Variants in ADAMTS16 observed in about 807,000 individuals in gnomAD.
The protein encoded by ADAMTS16 is ADAM metallopeptidase with thrombospondin type 1 motif 16, also known as A disintegrin and metalloproteinase with thrombospondin motifs 16.
A neutral mutation model predicts 145.8 loss-of-function variants in ADAMTS16; 94 were observed. That is an observed-to-expected ratio of 0.64 (90% CI 0.55 to 0.77). The LOEUF (loss-of-function observed/expected upper bound fraction) is 0.77, where lower values mean the gene tolerates loss of function less well. Among genes scored for constraint, ADAMTS16 ranks in the 30% least tolerant of loss-of-function variants. The pLI is 0.00. For synonymous variants in ADAMTS16, 659 were observed against 604.3 expected (o/e 1.09, Z -1.33); for missense variants, 1,585 against 1,591.5 (o/e 1.00, Z 0.07).
intron 8 of ADAMTS16, among the ~76,000 whole-genome samples, chr5:5,199,121 T>C (rs1344795404): frequency 6.6e-6 from 1 of 152,144 alleles, no homozygotes; most frequent in East Asian, 1.9e-4. Context: ...TAGTTGAAAA[T>C]GGGATCATTG....
chr5:5,254,344 A>G (rs1737717978), intron 17 of ADAMTS16, among the ~76,000 whole-genome samples: 1 of 152,112 alleles, frequency 6.6e-6, no homozygotes, highest in Non-Finnish European at 1.5e-5. Context: ...ATATTCTTTT[A>G]ATTTTGTCAA....
chr5:5,259,147 C>T (rs867543918), intron 17 of ADAMTS16, among the ~76,000 whole-genome samples: 8 of 152,354 alleles, frequency 5.3e-5, no homozygotes, highest in South Asian at 2.1e-4. Context: ...GACATCACTT[C>T]CTTTCACAGT....
rs1438922717 is a variant in ADAMTS16 at position 5,306,607 on chromosome 5, A to C, written c.3290A>C (p.His1097Pro). The C allele has an allele frequency of 1.2e-6, 2 of 1,614,180 alleles. No homozygotes were observed. The highest frequency in any genetic ancestry group is 1.7e-5 in the Admixed American group (1 of 60,024). Reference sequence around the variant, plus strand: ...GAGCTGGCCTCAAAGAAGTGCTCACATTTGCCGAAGCCCAGCCTGGAGCTG... The same window carrying C: ...GAGCTGGCCTCAAAGAAGTGCTCACCTTTGCCGAAGCCCAGCCTGGAGCTG... ...YRELASKKCS[H>P]LPKPSLELER... The change falls in exon 21 of 23, where the codon CAT becomes CCT. Residue 1097 changes from histidine to proline, a missense_variant. His to Pro is a moderately conservative substitution (Grantham distance 77, BLOSUM62 -2). Around this residue, in one of 3 missense-constraint regions of ADAMTS16, gnomAD observed 834 missense variants for 811.7 expected, o/e 1.03. Coordinates refer to ENST00000274181, the MANE Select transcript of ADAMTS16 (RefSeq NM_139056.4).
chr5:5,187,859 G>T, intron 6 of ADAMTS16, 51 bp downstream of exon 6: 2 of 1,217,420 alleles, frequency 1.6e-6, no homozygotes, highest in African/African-American at 3.0e-5. Flanking sequence ...AAAAATAAAT[G>T]CAAAATAATG....
chr5:5,253,982 G>A (rs1579344408), intron 17 of ADAMTS16, among the ~76,000 whole-genome samples: 1 of 152,078 alleles, frequency 6.6e-6, no homozygotes, highest in African/African-American at 2.4e-5. Context: ...GTCTTTTCGC[G>A]TGAATCTCTG....
At chr5:5,205,502 A>G (rs1390154443) in intron 9 of ADAMTS16, among the ~76,000 whole-genome samples, 3 of 152,092 alleles carry the variant, frequency 2.0e-5, no homozygotes, top group African/African-American at 7.2e-5. Flanking sequence ...GGTTGCAATG[A>G]TTTTCCTTTC....
chr5:5,258,850 A>AT (rs1449357205), intron 17 of ADAMTS16, among the ~76,000 whole-genome samples: 14 of 151,184 alleles, frequency 9.3e-5, no homozygotes, highest in Non-Finnish European at 1.9e-4. Flanking sequence ...ATATATATAT[A>AT]ATTTTTTTTA....
At chr5:5,236,768 T>C (rs1361188126) in intron 13 of ADAMTS16, among the ~76,000 whole-genome samples, 1 of 146,548 alleles carries the variant, frequency 6.8e-6, no homozygotes, top group Non-Finnish European at 1.5e-5. Flanking sequence ...TAGAGTAAAA[T>C]TTAACATTGA....
intron 18 of ADAMTS16, among the ~76,000 whole-genome samples, chr5:5,283,177 G>A (rs1738985737): frequency 6.6e-6 from 1 of 151,998 alleles, no homozygotes; most frequent in South Asian, 2.1e-4. Flanking sequence ...ATACTACAAT[G>A]TATTTTTTCC....
chr5:5,190,835 G>A (rs1735645263), intron 7 of ADAMTS16, among the ~76,000 whole-genome samples: 1 of 152,106 alleles, frequency 6.6e-6, no homozygotes, highest in South Asian at 2.1e-4. Context: ...GTTGGCTCTT[G>A]GCTGGACTCC....
In ADAMTS16 at chr5:5,140,710, C is replaced by T; in HGVS notation, c.119C>T (p.Pro40Leu). Reference protein sequence around the residue: ...MGPAAAAPGSPSVPRPPPPAE... With the variant: ...MGPAAAAPGSLSVPRPPPPAE... ...CCCGCAGCGGCAGCGCCTGGGAGCC[C>T]GAGCGTCCCGCGTCCTCCTCCACCC... Residue 40 changes from proline to leucine, a missense_variant, in exon 2 of 23, where the codon CCG (proline) becomes CTG (leucine). Coordinates refer to ENST00000274181, the MANE Select transcript of ADAMTS16 (RefSeq NM_139056.4). 1.3e-6 allele frequency: 2 copies of T among 1,569,144 alleles called. No individual in the cohort carries two copies. Among genetic ancestry groups the T allele is most frequent in the South Asian group, 2.3e-5 (2 of 85,718 alleles).
chr5:5,238,915 C>T (rs34662621), intron 14 of ADAMTS16, among the ~76,000 whole-genome samples: 1 of 152,170 alleles, frequency 6.6e-6, no homozygotes, highest in South Asian at 2.1e-4. Flanking sequence ...ACTTGTGTAA[C>T]AATACTAAAG....
At chr5:5,268,374 C>A (rs998654906) in intron 18 of ADAMTS16, among the ~76,000 whole-genome samples, 3 of 152,198 alleles carry the variant, frequency 2.0e-5, no homozygotes, top group Non-Finnish European at 4.4e-5. Context: ...ATCCTTGACT[C>A]ACCGTACGTA....
chr5:5,207,311 C>T (rs1736155142), intron 9 of ADAMTS16, among the ~76,000 whole-genome samples: 1 of 152,038 alleles, frequency 6.6e-6, no homozygotes, highest in African/African-American at 2.4e-5. Context: ...ATATAAATGA[C>T]ATGTTTCTAA....
At chr5:5,265,907 G>C (rs984833344) in intron 18 of ADAMTS16, among the ~76,000 whole-genome samples, 2 of 152,018 alleles carry the variant, frequency 1.3e-5, no homozygotes, top group African/African-American at 4.8e-5. Context: ...TTTCTTAAGG[G>C]AGAAGCATCT....
chr5:5,236,775 T>C (rs1266410356), intron 13 of ADAMTS16, among the ~76,000 whole-genome samples, 194 bp from the exon 14 acceptor site: 3 of 131,672 alleles, frequency 2.3e-5, no homozygotes, highest in Admixed American at 8.5e-5. Context: ...AAATTTAACA[T>C]TGAAGCAATA....
At chr5:5,198,925 C>G (rs565651603) in intron 8 of ADAMTS16, among the ~76,000 whole-genome samples, 1 of 152,324 alleles carries the variant, frequency 6.6e-6, no homozygotes, top group East Asian at 1.9e-4. Flanking sequence ...CTTTCCCTCT[C>G]TCTTGCCTTC....
intron 11 of ADAMTS16, among the ~76,000 whole-genome samples, chr5:5,227,488 TAA>T (rs1049124993): frequency 5.9e-5 from 9 of 151,368 alleles, no homozygotes; most frequent in Non-Finnish European, 1.3e-4. Flanking sequence ...GTTGTGTGCC[TAA>T]AATTAGATCT....
Position 5,305,520 on chromosome 5 carries a change from ACACT to A in ADAMTS16, c.3187-980_3187-977del, listed in dbSNP as rs1392766747. Among the ~76,000 whole-genome samples the A allele has an allele frequency of 4.2e-4, 62 of 146,798 alleles. 1 individual carries two copies. The highest frequency in any genetic ancestry group is 1.3e-3 in the African/African-American group (51 of 39,630). ...ACACCACACACACATCCCATACCAC[ACACT>A]CACACATCCCACACCATACACACAC... On this transcript the variant is annotated intron_variant, in intron 20 of 22. Coordinates refer to ENST00000274181, the MANE Select transcript of ADAMTS16 (RefSeq NM_139056.4).
Sources: gnomAD v4.1 joint callset for allele counts (sites outside exome capture counted in the v4.1 genomes callset) on GRCh38, gnomAD v4.1.1 for gene constraint, gnomAD v4.1.1 regional missense constraint, MANE v1.5 for transcripts, NCBI Gene and HGNC (gene_info 2026-07-23, HGNC 2026-07-21) for gene names.